MPPED2: variants seen among roughly 807,000 people sequenced by gnomAD.
The protein encoded by MPPED2 is metallophosphoesterase domain containing 2.
A neutral mutation model predicts 33.0 loss-of-function variants in MPPED2; 5 were observed. That is an observed-to-expected ratio of 0.15 (90% CI 0.08 to 0.32). MPPED2 has a LOEUF of 0.32. Among genes scored for constraint, MPPED2 ranks in the 10% least tolerant of loss-of-function variants. The pLI is 1.00. For synonymous variants in MPPED2, 136 were observed against 141.9 expected, an observed-to-expected ratio of 0.96 and a Z score of 0.29; for missense variants, 275 against 372.1, an observed-to-expected ratio of 0.74 and a Z score of 2.15.
chr11:30,433,911 G>C (rs965814456), intron 4 of MPPED2, among the ~76,000 whole-genome samples: 3 of 152,098 alleles, frequency 2.0e-5, no homozygotes, highest in African/African-American at 7.2e-5. Context: ...GTATTGGCAG[G>C]GCTGGTTTCT....
chr11:30,537,723 T>C (rs1034197934), intron 2 of MPPED2, among the ~76,000 whole-genome samples: 3 of 152,166 alleles, frequency 2.0e-5, no homozygotes, highest in African/African-American at 4.8e-5. Context: ...GTGGGTCTAA[T>C]TGGAAGCCCA....
chr11:30,427,892 A>C (rs1948910923), intron 4 of MPPED2, among the ~76,000 whole-genome samples: 1 of 152,142 alleles, frequency 6.6e-6, no homozygotes, highest in Non-Finnish European at 1.5e-5. Context: ...ATTCAATGTA[A>C]AACTCTCCAG....
intron 4 of MPPED2, among the ~76,000 whole-genome samples, chr11:30,433,630 G>A (rs1269350537): frequency 6.6e-6 from 1 of 152,138 alleles, no homozygotes; most frequent in Non-Finnish European, 1.5e-5. Flanking sequence ...CCCCGTCACT[G>A]CTTTCTTTTC....
rs532209174 is a variant in MPPED2 at position 30,415,104 on chromosome 11, C to T, written c.653-763G>A. Among the ~76,000 whole-genome samples, 5 of 152,302 alleles carry T rather than the reference C, an allele frequency of 3.3e-5. No individual in the cohort carries two copies. In the South Asian group the frequency reaches 8.3e-4, roughly 25 times the overall value. On this transcript the variant is annotated intron_variant, in intron 5 of 6. Transcript: ENST00000358117. ...TAAAGAAGGCAGGTAGGATGAAAGG[C>T]TAAATCGTAATCTCTGGAAACCCAT...
intron 6 of MPPED2, among the ~76,000 whole-genome samples, chr11:30,402,719 T>G (rs1190507346): frequency 6.6e-6 from 1 of 152,192 alleles, no homozygotes; most frequent in African/African-American, 2.4e-5. Context: ...CTTTGCATAA[T>G]CTCTGAACTC....
intron 3 of MPPED2, among the ~76,000 whole-genome samples, chr11:30,533,120 T>C (rs1954618412): frequency 6.6e-6 from 1 of 152,160 alleles, no homozygotes. Flanking sequence ...TATCACAGAA[T>C]GACAAAGGAA....
At chr11:30,405,762 CT>C (rs374956286), downstream of MPPED2, among the ~76,000 whole-genome samples, 1 of 152,202 alleles carries the variant, frequency 6.6e-6, no homozygotes, top group East Asian at 1.9e-4. Flanking sequence ...CTGCCCCTGC[CT>C]TTTTTTCTTT....
chr11:30,427,023 G>A (rs551071947), intron 4 of MPPED2, among the ~76,000 whole-genome samples: 1 of 152,218 alleles, frequency 6.6e-6, no homozygotes, highest in Non-Finnish European at 1.5e-5. Context: ...CAGGACAGGG[G>A]AGGAGGTAGG....
At chr11:30,389,765 A>T (rs557623145) in intron 6 of MPPED2, among the ~76,000 whole-genome samples, 11 of 152,354 alleles carry the variant, frequency 7.2e-5, no homozygotes, top group African/African-American at 2.4e-4. Context: ...AGGCTGAGGC[A>T]GGTGTTAGCC....
At chr11:30,460,774 G>T (rs548929047) in intron 4 of MPPED2, among the ~76,000 whole-genome samples, 2 of 152,342 alleles carry the variant, frequency 1.3e-5, no homozygotes, top group African/African-American at 4.8e-5. Context: ...CAGATTGCTG[G>T]TGGGAATGTA....
intron 6 of MPPED2, among the ~76,000 whole-genome samples, chr11:30,399,369 T>C (rs954111570): frequency 6.6e-6 from 1 of 152,184 alleles, no homozygotes; most frequent in African/African-American, 2.4e-5. Flanking sequence ...AAAAAATATA[T>C]GTTTCTCCTT....
chr11:30,535,763 T>C (rs79952333), intron 3 of MPPED2, among the ~76,000 whole-genome samples: 2,401 of 152,228 alleles, frequency 0.016, 41 homozygotes, highest in Non-Finnish European at 0.022. Flanking sequence ...AAGCTTTCCA[T>C]CCCTTTGCCC....
chr11:30,583,463 C>T (rs958162504), intron 1 of MPPED2, among the ~76,000 whole-genome samples: 5 of 152,024 alleles, frequency 3.3e-5, no homozygotes, highest in Non-Finnish European at 7.4e-5. Context: ...TATCAAGAAG[C>T]CGAAAGAAAA....
chr11:30,505,278 C>T (rs1952769011), intron 3 of MPPED2, among the ~76,000 whole-genome samples: 1 of 152,158 alleles, frequency 6.6e-6, no homozygotes, highest in South Asian at 2.1e-4. Flanking sequence ...CTTTTTGTGA[C>T]CTAAACACAC....
At chr11:30,542,301 TA>T (rs1267531265) in intron 2 of MPPED2, among the ~76,000 whole-genome samples, 1 of 152,112 alleles carries the variant, frequency 6.6e-6, no homozygotes, top group Non-Finnish European at 1.5e-5. Context: ...TTTACTTTTT[TA>T]ATGTGTAGTA....
rs139819717 is a variant in MPPED2, at chr11:30,507,675, T to C, written c.311-12154A>G. Among the ~76,000 whole-genome samples the C allele has an allele frequency of 9.3e-3, 1,415 of 152,266 alleles. 13 individuals carry two copies. Among genetic ancestry groups the C allele is most frequent in the Non-Finnish European group, 0.016 (1,074 of 68,018 alleles). ...TTCTCCACCCCTCAATGGGCAACATTTACTACTATAAGAGCTACCCTGAAT... is the reference window on the plus strand; with the variant it reads ...TTCTCCACCCCTCAATGGGCAACATCTACTACTATAAGAGCTACCCTGAAT... On this transcript the variant is annotated intron_variant, in intron 3 of 6. Transcript: ENST00000358117.
intron 4 of MPPED2, among the ~76,000 whole-genome samples, chr11:30,452,486 A>G (rs1045041429): frequency 3.3e-5 from 5 of 152,270 alleles, no homozygotes; most frequent in African/African-American, 1.2e-4. Context: ...CTGCCTCACT[A>G]CATCAGTATT....
Position 30,455,590 on chromosome 11 carries a change from CTT to C in MPPED2, c.537-37959_537-37958del, listed in dbSNP as rs148479414. Among the ~76,000 whole-genome samples, 1,333 of 152,286 alleles carry C rather than the reference CTT, an allele frequency of 8.8e-3. 32 individuals are homozygous for C. The highest frequency in any genetic ancestry group is 0.028 in the African/African-American group (1,171 of 41,562). On this transcript the variant is annotated intron_variant, in intron 4 of 6. Coordinates refer to ENST00000358117, the MANE Select transcript of MPPED2 (RefSeq NM_001584.3). ...TATATCCTTATGTTACTCCAGCGCC[CTT>C]TGTTTTTTAATGCCAAAAGGTGGCT...
chr11:30,394,011 A>G lies in MPPED2; in HGVS notation c.767-5055T>C, dbSNP rs1307418046. Reference sequence around the variant, plus strand: ...AGTATAGTTTTGTTTTCTTCAGAATATCATACAAGTGGAATATATCTTTTG... The same window carrying G: ...AGTATAGTTTTGTTTTCTTCAGAATGTCATACAAGTGGAATATATCTTTTG... On this transcript the variant is annotated intron_variant, in intron 6 of 6. Transcript: ENST00000448418. 3.9e-5 allele frequency among the ~76,000 whole-genome samples: 6 copies of G among 152,200 alleles called. No homozygotes were observed. In the East Asian group the frequency reaches 1.2e-3, roughly 29 times the overall value.
Sources: gnomAD v4.1 joint callset for allele counts (sites outside exome capture counted in the v4.1 genomes callset) on GRCh38, gnomAD v4.1.1 for gene constraint, MANE v1.5 for transcripts, NCBI Gene and HGNC (gene_info 2026-07-23, HGNC 2026-07-21) for gene names.